The following MCF2 variants were observed in gnomAD, a reference collection of about 807,000 sequenced individuals.
The protein encoded by MCF2 is proto-oncogene DBL.
A neutral mutation model predicts 82.5 loss-of-function variants in MCF2; 44 were observed. The observed-to-expected ratio is 0.53, with a 90% CI of 0.42 to 0.69. The LOEUF (loss-of-function observed/expected upper bound fraction) is 0.69. MCF2 is among the 30% of genes least tolerant of loss of function. The pLI, the probability that MCF2 is intolerant of heterozygous loss-of-function variation, is 0.00. For synonymous variants in MCF2, 217 were observed against 224.9 expected, an observed-to-expected ratio of 0.96 and a Z score of 0.32; for missense variants, 623 against 663.1, an observed-to-expected ratio of 0.94 and a Z score of 0.66.
At chrX:139,622,066 G>A (rs780742840) in intron 6 of MCF2, among the ~76,000 whole-genome samples, 37 of 110,659 alleles carry the variant, frequency 3.3e-4, no homozygotes, top group East Asian at 8.6e-4. Flanking sequence ...AAAAGTGGGC[G>A]AAGGATATGA....
chrX:139,635,346 TTTATG>T lies in MCF2; in HGVS notation c.52-2897_52-2893del, dbSNP rs1933140714. On this transcript the variant is annotated intron_variant, in intron 1 of 24. Transcript: ENST00000370576. ...ATTATGTACGTAATGTATATTTTAT[TTTATG>T]TTAAGTATAATATGTATTTTCCAGC... Among the ~76,000 whole-genome samples the T allele has an allele frequency of 4.5e-5, 5 of 111,066 alleles. No homozygotes were observed. In the South Asian group the frequency reaches 1.9e-3, roughly 43 times the overall value.
At chrX:139,686,968 T>C (rs1384719439) in intron 1 of MCF2, among the ~76,000 whole-genome samples, 1 of 111,653 alleles carries the variant, frequency 9.0e-6, no homozygotes, top group East Asian at 2.8e-4. Flanking sequence ...GTTAAAAGCC[T>C]AAATTCTTAC....
chrX:139,653,104 G>A (rs73577544), intron 1 of MCF2, among the ~76,000 whole-genome samples: 3,283 of 111,770 alleles, frequency 0.029, 115 homozygotes, highest in African/African-American at 0.1. Context: ...ATCAAGGCAT[G>A]CACATTTACA....
intron 16 of MCF2, among the ~76,000 whole-genome samples, chrX:139,600,995 T>A (rs1328728703): frequency 5.4e-5 from 6 of 111,827 alleles, no homozygotes; most frequent in Non-Finnish European, 1.1e-4. Context: ...AAAATAGAAT[T>A]CTATTAAAAG....
upstream of MCF2, chrX:139,645,667 T>C: frequency 9.8e-7 from 1 of 1,023,707 alleles, no homozygotes; most frequent in Middle Eastern, 2.6e-4. Context: ...GCCTGAACGA[T>C]AAGAAGAAAT....
At chrX:139,615,695 A>G (rs939913636) in intron 9 of MCF2, among the ~76,000 whole-genome samples, 1 of 111,992 alleles carries the variant, frequency 8.9e-6, no homozygotes, top group Non-Finnish European at 1.9e-5. Context: ...TACACATTTT[A>G]GCAGCAAATA....
In MCF2 at chrX:139,675,634, C is replaced by T. The variant is rs144239091; in HGVS notation, c.-44-23846G>A. 9.2e-3 allele frequency among the ~76,000 whole-genome samples: 1,035 copies of T among 112,366 alleles called. 9 individuals carry two copies. Among genetic ancestry groups the T allele is most frequent in the African/African-American group, 0.031 (970 of 30,917 alleles). ...TTTGCCTGGGTATCACCAGCGGAGG[C>T]TGCAGAACAGCATATATTGCAGAAC... On this transcript the variant is annotated intron_variant, in intron 1 of 27. Transcript: ENST00000414978.
chrX:139,585,438 C>A (rs914410417), intron 23 of MCF2, among the ~76,000 whole-genome samples: 1 of 111,818 alleles, frequency 8.9e-6, no homozygotes, highest in Non-Finnish European at 1.9e-5. Context: ...TCTCTCCTTA[C>A]TTCTTTGGGG....
chrX:139,604,226 C>G (rs750671107), intron 15 of MCF2, among the ~76,000 whole-genome samples: 3 of 110,621 alleles, frequency 2.7e-5, no homozygotes, highest in Non-Finnish European at 5.7e-5. Context: ...GTGATAGATG[C>G]CTTGATGGCT....
intron 5 of MCF2, 78 bp from the exon 9 acceptor site, chrX:139,626,385 AT>A: frequency 3.1e-6 from 2 of 642,956 alleles, no homozygotes; most frequent in South Asian, 5.7e-5. Flanking sequence ...TGGTCTGGAC[AT>A]TAAGAATTAT....
intron 6 of MCF2, among the ~76,000 whole-genome samples, chrX:139,621,574 G>A (rs767646289): frequency 6.1e-4 from 68 of 110,613 alleles, no homozygotes; most frequent in South Asian, 1.9e-3. Context: ...AAATAATGCC[G>A]CATATCTACA....
At chrX:139,701,032 C>A (rs772485389) in intron 1 of MCF2, among the ~76,000 whole-genome samples, 2 of 111,845 alleles carry the variant, frequency 1.8e-5, no homozygotes, top group African/African-American at 6.5e-5. Context: ...TATCGAAGGA[C>A]AGCACCCACA....
chrX:139,673,781 A>C (rs970144263), intron 1 of MCF2, among the ~76,000 whole-genome samples: 10 of 112,001 alleles, frequency 8.9e-5, no homozygotes, highest in Non-Finnish European at 1.7e-4. Flanking sequence ...GCTGTGAAGA[A>C]TGTATATTCT....
chrX:139,594,596 A>C (rs1361653746), intron 19 of MCF2, among the ~76,000 whole-genome samples: 2 of 111,831 alleles, frequency 1.8e-5, no homozygotes, highest in African/African-American at 6.5e-5. Flanking sequence ...TGAAGACTTA[A>C]ATGTTAGACC....
At chrX:139,601,888 A>G (rs1206485493) in intron 16 of MCF2, among the ~76,000 whole-genome samples, 1 of 111,342 alleles carries the variant, frequency 9.0e-6, no homozygotes, top group Non-Finnish European at 1.9e-5. Flanking sequence ...TTGGGGTAGA[A>G]TAACGATAAG....
intron 1 of MCF2, among the ~76,000 whole-genome samples, chrX:139,680,573 C>G (rs1272897057): frequency 1.8e-5 from 2 of 112,077 alleles, no homozygotes; most frequent in Non-Finnish European, 3.8e-5. Flanking sequence ...ACTACAGCCA[C>G]AGCCACCACT....
At chrX:139,603,550 T>C (rs982514684) in intron 15 of MCF2, among the ~76,000 whole-genome samples, 8 of 112,463 alleles carry the variant, frequency 7.1e-5, no homozygotes, top group African/African-American at 2.6e-4. Context: ...AGTTAGAACA[T>C]CTTAGCCGGA....
intron 1 of MCF2, chrX:139,702,500 C>T (rs1156346859): frequency 1.8e-5 from 2 of 112,406 alleles, no homozygotes; most frequent in Non-Finnish European, 3.8e-5. Context: ...AAAAAAATCT[C>T]TGAAAGAAAC....
At chrX:139,688,555 G>A (rs1269174260) in intron 1 of MCF2, among the ~76,000 whole-genome samples, 2 of 112,151 alleles carry the variant, frequency 1.8e-5, no homozygotes, top group South Asian at 3.7e-4. Flanking sequence ...ATACTCTGAT[G>A]AGTAAAATTT....
Sources: allele counts gnomAD v4.1 joint callset (sites outside exome capture counted in the v4.1 genomes callset), GRCh38; gene constraint gnomAD v4.1.1; transcripts MANE v1.5; gene names NCBI Gene and HGNC (gene_info 2026-07-23, HGNC 2026-07-21).